Variants in KLF13 observed in about 807,000 individuals in gnomAD.
The protein encoded by KLF13 is KLF transcription factor 13, also known as Krueppel-like factor 13.
A neutral mutation model predicts 16.7 loss-of-function variants in KLF13; 8 were observed. That is an observed-to-expected ratio of 0.48 (90% CI 0.28 to 0.87). The LOEUF is 0.87. Ranked by LOEUF, KLF13 falls within the 40% of genes least tolerant of loss-of-function variation. KLF13 has a pLI of 0.10. For synonymous variants in KLF13, 245 were observed against 208.4 expected (o/e 1.18, Z -1.51); for missense variants, 447 against 452.2 (o/e 0.99, Z 0.10).
At chr15:31,431,534 G>A (rs760818826) in intron 1 of KLF13, among the ~76,000 whole-genome samples, 6 of 151,872 alleles carry the variant, frequency 4.0e-5, no homozygotes, top group Non-Finnish European at 8.8e-5. Flanking sequence ...GCGTGCTCTC[G>A]GCTCACTGCA....
downstream of KLF13, chr15:31,404,767 C>G (rs1400059371): frequency 6.6e-6 from 1 of 152,326 alleles, no homozygotes; most frequent in East Asian, 1.9e-4. Context: ...AGCTGTAACA[C>G]TCACTGTGAA....
At chr15:31,413,185 G>C (rs1316580561) in intron 1 of KLF13, among the ~76,000 whole-genome samples, 2 of 32,974 alleles carry the variant, frequency 6.1e-5, no homozygotes, top group South Asian at 9.9e-4. Context: ...AAAATGAATA[G>C]ACAAAAAAAA....
downstream of KLF13, among the ~76,000 whole-genome samples, chr15:31,405,139 T>G (rs1399982886): frequency 6.6e-6 from 1 of 152,050 alleles, no homozygotes; most frequent in African/African-American, 2.4e-5. Context: ...AGAGCTCTCA[T>G]GAATGAGGTT....
At chr15:31,405,928 A>T (rs535596749), downstream of KLF13, among the ~76,000 whole-genome samples, 21 of 152,372 alleles carry the variant, frequency 1.4e-4, no homozygotes, top group South Asian at 4.3e-3. Context: ...ATAGAATAAG[A>T]GTCATAATTA....
intron 2 of KLF13, among the ~76,000 whole-genome samples, chr15:31,393,892 G>T (rs1039123583): frequency 6.6e-6 from 1 of 152,298 alleles, no homozygotes; most frequent in Admixed American, 6.5e-5. Context: ...GTCTGCGAGG[G>T]TGGTGGGTGG....
In KLF13 at chr15:31,327,130, C is replaced by T. The variant is rs2140923978; in HGVS notation, c.-83C>T. The T allele has an allele frequency of 8.6e-7, 1 of 1,161,766 alleles. No individual in the cohort carries two copies. The highest frequency in any genetic ancestry group is 1.1e-6 in the Non-Finnish European group (1 of 934,756). 72.0% of individuals were successfully genotyped at this position (1,161,766 alleles called of 1,614,324 possible). ...GAGGGCGCGCCGCGCCCCCGCCCCCCGCCCGCTCTCCCGAGGCCGTGGGTG... is the reference window on the plus strand; with the variant it reads ...GAGGGCGCGCCGCGCCCCCGCCCCCTGCCCGCTCTCCCGAGGCCGTGGGTG... On this transcript the variant is annotated 5_prime_UTR_variant, in exon 1 of 2. Transcript: ENST00000307145.
intron 1 of KLF13, among the ~76,000 whole-genome samples, chr15:31,419,705 T>G (rs1053291546): frequency 5.3e-5 from 8 of 152,078 alleles, no homozygotes; most frequent in African/African-American, 1.9e-4. Context: ...AATATACATG[T>G]TATAGGAGTT....
chr15:31,359,372 G>A (rs2039347883), intron 1 of KLF13, among the ~76,000 whole-genome samples: 1 of 152,196 alleles, frequency 6.6e-6, no homozygotes. Flanking sequence ...ACACCTTTAT[G>A]AAATTCTGGC....
chr15:31,399,354 G>C (rs191037757), intron 2 of KLF13, among the ~76,000 whole-genome samples: 1 of 152,254 alleles, frequency 6.6e-6, no homozygotes, highest in East Asian at 1.9e-4. Context: ...TAGTAGAGAC[G>C]GGGTTTCATC....
chr15:31,429,456 T>C (rs1414175016), intron 1 of KLF13, among the ~76,000 whole-genome samples: 5 of 152,144 alleles, frequency 3.3e-5, no homozygotes, highest in African/African-American at 1.2e-4. Flanking sequence ...GAGTTATTAT[T>C]TAATAGGTAC....
chr15:31,353,426 T>TG (rs5811639), intron 1 of KLF13, among the ~76,000 whole-genome samples: 126,733 of 152,148 alleles, frequency 0.83, 52,875 homozygotes, highest in South Asian at 0.88. Flanking sequence ...GGGCCTGGGC[T>TG]GGCAAAGTCC....
Position 31,375,505 on chromosome 15 carries a change from A to T in KLF13, c.*3206A>T, listed in dbSNP as rs2039628231. The T allele has an allele frequency of 6.6e-6, 1 of 152,182 alleles. No individual in the cohort carries two copies. Among genetic ancestry groups the T allele is most frequent in the Non-Finnish European group, 1.5e-5 (1 of 68,036 alleles). The allele number at this position is 152,182 out of a possible 1,614,324, so 9.4% of individuals were successfully genotyped here. A position where few individuals can be genotyped will look rare whatever the true frequency, so the allele number is the denominator to read the frequency against. ...ACTCAAACCCTTATTTTGGGACTTC[A>T]GTTCTCGTGGTCCATAGGGGCAGAG... On this transcript the variant is annotated 3_prime_UTR_variant, in exon 2 of 2. Coordinates refer to ENST00000307145, the MANE Select transcript of KLF13 (RefSeq NM_015995.4).
At chr15:31,430,997 C>T (rs892584044) in intron 1 of KLF13, among the ~76,000 whole-genome samples, 1 of 152,106 alleles carries the variant, frequency 6.6e-6, no homozygotes, top group African/African-American at 2.4e-5. Context: ...TATGCACCAC[C>T]CCAATTCATA....
chr15:31,414,049 A>G (rs1225112651), intron 1 of KLF13, among the ~76,000 whole-genome samples: 2 of 152,184 alleles, frequency 1.3e-5, no homozygotes, highest in African/African-American at 4.8e-5. Context: ...AAATTAATAG[A>G]TGTAATGCAT....
chr15:31,372,220 G>T lies in KLF13; in HGVS notation c.788G>T (p.Gly263Val). The T allele has an allele frequency of 6.3e-7, 1 of 1,599,328 alleles. No individual in the cohort carries two copies. The highest frequency in any genetic ancestry group is 8.5e-7 in the Non-Finnish European group (1 of 1,175,528). ...GGAATGCTGCAGCGGCGCGGCGGGG[G>T]CTCGCGGACCGGCTCCCTCAGCGAC... ...HPGMLQRRGGGSRTGSLSDYS... is the reference protein window; with the variant it reads ...HPGMLQRRGGVSRTGSLSDYS... Residue 263 changes from glycine (G) to valine (V), a missense_variant, in exon 2 of 2, where the codon GGC (glycine) becomes GTC (valine). Gly to Val is a moderately radical substitution (Grantham distance 109). This residue lies in a region of KLF13 where 88 missense variants were observed against 169.5 expected (regional missense o/e 0.52). Coordinates refer to ENST00000307145, the MANE Select transcript of KLF13 (RefSeq NM_015995.4).
At chr15:31,381,029 G>C (rs949798993), downstream of KLF13, among the ~76,000 whole-genome samples, 1 of 151,974 alleles carries the variant, frequency 6.6e-6, no homozygotes, top group Non-Finnish European at 1.5e-5. Context: ...AAAATTAGCC[G>C]GGCATGGTGG....
chr15:31,345,536 G>A (rs929541183), intron 1 of KLF13, among the ~76,000 whole-genome samples: 13 of 152,332 alleles, frequency 8.5e-5, no homozygotes, highest in South Asian at 6.2e-4. Flanking sequence ...CTCCAGGAGC[G>A]TGGCAGGGTC....
rs551377755 is a variant in KLF13, at chr15:31,338,930, G to A, written c.577+11141G>A. On this transcript the variant is annotated intron_variant, in intron 1 of 1. Coordinates refer to ENST00000307145, the MANE Select transcript of KLF13 (RefSeq NM_015995.4). ...CAGCAGGTGGGTATACAGGGGAGCA[G>A]ACCCCAGGGGGGCCTGAGGAGGGAG... 3.3e-5 allele frequency among the ~76,000 whole-genome samples: 5 copies of A among 152,012 alleles called. No homozygotes were observed. The South Asian group carries it at 1.0e-3, about 32-fold the overall frequency.
At chr15:31,333,961 G>T (rs1323336967) in intron 1 of KLF13, among the ~76,000 whole-genome samples, 1 of 151,288 alleles carries the variant, frequency 6.6e-6, no homozygotes, top group East Asian at 1.9e-4. Context: ...ATGGGGGGGG[G>T]AGGGCATGGG....
Sources: gnomAD v4.1 joint callset for allele counts (sites outside exome capture counted in the v4.1 genomes callset) on GRCh38, gnomAD v4.1.1 for gene constraint, gnomAD v4.1.1 regional missense constraint, MANE v1.5 for transcripts, NCBI Gene and HGNC (gene_info 2026-07-23, HGNC 2026-07-21) for gene names.